Variants in ZDHHC20 observed in about 807,000 individuals in gnomAD.
ZDHHC20 encodes zDHHC palmitoyltransferase 20.
A neutral mutation model predicts 57.8 loss-of-function variants in ZDHHC20; 43 were observed. That is an observed-to-expected ratio of 0.74 (90% CI 0.58 to 0.96). The LOEUF is 0.96. Among genes scored for constraint, ZDHHC20 ranks in the 40% least tolerant of loss-of-function variants. The pLI is 0.00. For missense variants in ZDHHC20, 391 were observed against 441.1 expected, an observed-to-expected ratio of 0.89 and a Z score of 1.02; for synonymous variants, 157 against 153.0, an observed-to-expected ratio of 1.03 and a Z score of -0.19.
chr13:21,407,081 C>T (rs1350993242), intron 4 of ZDHHC20, among the ~76,000 whole-genome samples: 7 of 152,116 alleles, frequency 4.6e-5, no homozygotes, highest in Non-Finnish European at 1.5e-5. Context: ...CTCCATCTCC[C>T]AGGTTCAAGT....
At chr13:21,417,600 C>T (rs1236421921) in intron 3 of ZDHHC20, among the ~76,000 whole-genome samples, 13 of 152,022 alleles carry the variant, frequency 8.6e-5, no homozygotes, top group African/African-American at 2.9e-4. Flanking sequence ...CCACCACACC[C>T]GGCTAATTTT....
At chr13:21,409,682 T>C (rs904059692) in intron 4 of ZDHHC20, among the ~76,000 whole-genome samples, 1 of 152,192 alleles carries the variant, frequency 6.6e-6, no homozygotes, top group Non-Finnish European at 1.5e-5. Flanking sequence ...TCGATTCAGC[T>C]ATTGATACTT....
chr13:21,420,274 C>T (rs552912527), intron 3 of ZDHHC20, among the ~76,000 whole-genome samples: 4 of 152,132 alleles, frequency 2.6e-5, no homozygotes, highest in East Asian at 3.9e-4. Context: ...GTGACAAGAG[C>T]GAAACTCCAT....
At position 21,446,630 on chromosome 13, in the gene ZDHHC20, C is replaced by G. The variant is rs1330865184; in HGVS notation, c.118+12424G>C. 3.3e-5 allele frequency among the ~76,000 whole-genome samples: 5 copies of G among 152,162 alleles called. No individual in the cohort carries two copies. The South Asian group carries it at 1.0e-3, about 32-fold the overall frequency. On this transcript the variant is annotated intron_variant, in intron 1 of 12. Transcript: ENST00000400590. ...ATCTCTATTTAAGGGAATCTATTCT[C>G]CATAAAACTAGTCACCTTTATTCTT...
intron 1 of ZDHHC20, among the ~76,000 whole-genome samples, chr13:21,451,682 A>T (rs1047860736): frequency 6.6e-6 from 1 of 152,178 alleles, no homozygotes; most frequent in Non-Finnish European, 1.5e-5. Flanking sequence ...TATGCAAAAT[A>T]CACCTGACAA....
intron 4 of ZDHHC20, among the ~76,000 whole-genome samples, chr13:21,408,748 T>A (rs1014700219): frequency 6.6e-6 from 1 of 152,194 alleles, no homozygotes; most frequent in African/African-American, 2.4e-5. Context: ...GGCTGTGGGT[T>A]TGTCATAAAT....
At chr13:21,399,392 A>G (rs117814480) in intron 7 of ZDHHC20, among the ~76,000 whole-genome samples, 24,116 of 151,830 alleles carry the variant, frequency 0.16, 2,609 homozygotes, top group Non-Finnish European at 0.25. Context: ...AAAATATAAA[A>G]TAATTTCTAA....
intron 1 of ZDHHC20, among the ~76,000 whole-genome samples, chr13:21,453,886 A>T (rs1884681178): frequency 1.3e-5 from 2 of 152,226 alleles, no homozygotes; most frequent in African/African-American, 4.8e-5. Context: ...TTGCTCTGTA[A>T]CCCAGGCTGG....
chr13:21,430,581 A>C (rs1022477929), intron 1 of ZDHHC20, among the ~76,000 whole-genome samples: 2 of 151,714 alleles, frequency 1.3e-5, no homozygotes, highest in African/African-American at 4.8e-5. Context: ...TGCTGGTGAG[A>C]GTGGGGGATG....
intron 2 of ZDHHC20, 145 bp from the exon 3 acceptor site, chr13:21,421,309 T>G: frequency 1.5e-6 from 1 of 657,944 alleles, no homozygotes; most frequent in Non-Finnish European, 2.7e-6. Flanking sequence ...TATATAAACT[T>G]TACTTGCATG....
chr13:21,420,940 G>C (rs1880575022), intron 3 of ZDHHC20, 121 bp downstream of exon 3: 1 of 722,520 alleles, frequency 1.4e-6, no homozygotes, highest in Non-Finnish European at 2.4e-6. Context: ...GAGCAACCAA[G>C]CAGTTTTATG....
intron 1 of ZDHHC20, among the ~76,000 whole-genome samples, chr13:21,446,346 G>T (rs530769486): frequency 5.9e-5 from 9 of 152,172 alleles, no homozygotes; most frequent in Non-Finnish European, 1.3e-4. Context: ...ATATTTTGGT[G>T]TATTTGGTAT....
chr13:21,386,419 T>C (rs903880228), intron 9 of ZDHHC20, among the ~76,000 whole-genome samples: 2 of 152,150 alleles, frequency 1.3e-5, no homozygotes, highest in Non-Finnish European at 2.9e-5. Flanking sequence ...CATAATCAAA[T>C]TGCATGAAGT....
At chr13:21,377,409 G>A (rs201901810) in intron 12 of ZDHHC20, among the ~76,000 whole-genome samples, 1 of 57,582 alleles carries the variant, frequency 1.7e-5, no homozygotes, top group Non-Finnish European at 4.2e-5. Context: ...GACTCTGCCC[G>A]ACGTGACCTC....
chr13:21,438,836 A>G (rs1258230902), intron 1 of ZDHHC20, among the ~76,000 whole-genome samples: 1 of 152,192 alleles, frequency 6.6e-6, no homozygotes, highest in African/African-American at 2.4e-5. Context: ...TGCCACAGCT[A>G]CCCCAGCCTT....
chr13:21,405,460 T>C (rs1473541728), intron 4 of ZDHHC20, among the ~76,000 whole-genome samples: 1 of 152,132 alleles, frequency 6.6e-6, no homozygotes, highest in Non-Finnish European at 1.5e-5. Flanking sequence ...GAAAGCCAAG[T>C]TCTGTCTCAC....
At position 21,373,847 on chromosome 13, in the gene ZDHHC20, G is replaced by A. The variant is rs1032452579; in HGVS notation, c.*2849C>T. On this transcript the variant is annotated 3_prime_UTR_variant, in exon 13 of 13. Transcript: ENST00000400590. ...CCACTTGTAGGCCTTTGCTAGAATG[G>A]TCATTAATACGTATGAATCAGTTGA... The A allele has an allele frequency of 6.6e-6, 1 of 152,222 alleles. No individual in the cohort carries two copies. The highest frequency in any genetic ancestry group is 6.5e-5 in the Admixed American group (1 of 15,288). 9.4% of individuals were successfully genotyped at this position (152,222 alleles called of 1,614,324 possible).
At chr13:21,378,964 C>A (rs1214431735) in intron 11 of ZDHHC20, among the ~76,000 whole-genome samples, 2 of 152,160 alleles carry the variant, frequency 1.3e-5, no homozygotes, top group Non-Finnish European at 2.9e-5. Context: ...TACCTATTGG[C>A]TTTAAAGATG....
intron 4 of ZDHHC20, among the ~76,000 whole-genome samples, chr13:21,403,837 G>A (rs1008275093): frequency 1.3e-5 from 2 of 152,032 alleles, no homozygotes; most frequent in African/African-American, 2.4e-5. Context: ...ACAGGTGTGC[G>A]CCATCATGCC....
Sources: gnomAD v4.1 joint callset for allele counts (sites outside exome capture counted in the v4.1 genomes callset) on GRCh38, gnomAD v4.1.1 for gene constraint, MANE v1.5 for transcripts, NCBI Gene and HGNC (gene_info 2026-07-23, HGNC 2026-07-21) for gene names.